MRTFB: variants seen among roughly 807,000 people sequenced by gnomAD.
The protein encoded by MRTFB is myocardin related transcription factor B, also known as myocardin-related transcription factor B.
In MRTFB, 29 loss-of-function variants were observed where a neutral mutation model predicts 104.2. That is an observed-to-expected ratio of 0.28 (90% confidence interval 0.21 to 0.38). MRTFB has a LOEUF of 0.38. Among genes scored for constraint, MRTFB ranks in the 10% least tolerant of loss-of-function variants. The pLI, the probability that MRTFB is intolerant of heterozygous loss-of-function variation, is 1.00. For missense variants in MRTFB, 1,270 were observed against 1,341.6 expected, an observed-to-expected ratio of 0.95 and a Z score of 0.83; for synonymous variants, 535 against 519.5, an observed-to-expected ratio of 1.03 and a Z score of -0.41.
intron 3 of MRTFB, chr16:14,187,117 C>T: frequency 1.8e-6 from 2 of 1,133,356 alleles, no homozygotes; most frequent in Non-Finnish European, 2.5e-6. Flanking sequence ...TGTTACCATG[C>T]TATGTGTCTG....
chr16:14,200,779 C>T, intron 3 of MRTFB: 2 of 1,468,002 alleles, frequency 1.4e-6, no homozygotes, highest in South Asian at 2.3e-5. Flanking sequence ...TGATACTTGC[C>T]TTCAGTGCAC....
At chr16:14,007,330 T>G in the MRTFB span, among the ~76,000 whole-genome samples, 2 of 152,232 alleles carry the variant, frequency 1.3e-5, no homozygotes, top group Non-Finnish European at 2.9e-5. Context: ...CCATTTATAA[T>G]GGAATCATGG....
In MRTFB at chr16:14,246,570, A is replaced by G. The variant is rs758691686; in HGVS notation, c.1310A>G (p.Asn437Ser). 6.2e-7 allele frequency: 1 copy of G among 1,614,188 alleles called. No homozygotes were observed. The highest frequency in any genetic ancestry group is 1.1e-5 in the South Asian group (1 of 91,076). Residue 437 changes from asparagine to serine, a missense_variant, in exon 12 of 17, where the codon AAC becomes AGC. Around this residue, in one of 3 missense-constraint regions of MRTFB, gnomAD observed 1,144 missense variants for 1,131.5 expected, o/e 1.01. Coordinates refer to ENST00000571589, the MANE Select transcript of MRTFB (RefSeq NM_001308142.2). ...CGCCTAAAACCCTACCAGGAAGTGA[A>G]CAGCAGCGGCCTTGCTGCTGGGGGC... Reference protein sequence around the residue: ...IERLKPYQEVNSSGLAAGGIV... With the variant: ...IERLKPYQEVSSSGLAAGGIV...
chr16:14,204,285 T>G (rs905180370), intron 3 of MRTFB, among the ~76,000 whole-genome samples: 9 of 152,178 alleles, frequency 5.9e-5, no homozygotes, highest in African/African-American at 2.2e-4. Context: ...CTTACAGTTT[T>G]TTTATATTGG....
intron 2 of MRTFB, among the ~76,000 whole-genome samples, chr16:14,102,704 T>C (rs1416569305): frequency 6.6e-6 from 1 of 152,258 alleles, no homozygotes; most frequent in African/African-American, 2.4e-5. Flanking sequence ...ATTGGCTCTT[T>C]AGTTTCATTT....
chr16:14,217,257 G>A lies in MRTFB; in HGVS notation c.484G>A (p.Val162Met). ...GCTGGTAGAGAAAAACATCCTTCCT[G>A]TGGACTCCAGTGTTAAAGAAGCAAT... ...MELVEKNILP[V>M]DSSVKEAIIG... The change falls in exon 7 of 17, where the codon GTG (valine) becomes ATG (methionine). Residue 162 changes from valine (V) to methionine (M), a missense_variant. Val to Met is a conservative substitution (Grantham distance 21). Transcript: ENST00000571589. 6.2e-7 allele frequency: 1 copy of A among 1,612,084 alleles called. No homozygotes were observed. The highest frequency in any genetic ancestry group is 1.3e-5 in the African/African-American group (1 of 74,972).
At chr16:14,088,315 C>A (rs2034847658) in intron 2 of MRTFB, among the ~76,000 whole-genome samples, 1 of 151,984 alleles carries the variant, frequency 6.6e-6, no homozygotes, top group Non-Finnish European at 1.5e-5. Context: ...ATGTAATTAC[C>A]CCAGTTTTAA....
the MRTFB span, chr16:14,016,115 T>C: frequency 2.5e-6 from 1 of 396,964 alleles, no homozygotes; most frequent in East Asian, 3.6e-5. Flanking sequence ...TTGGCTTGGC[T>C]GTGTGACTGT....
intron 3 of MRTFB, among the ~76,000 whole-genome samples, chr16:14,189,505 T>C (rs2040083210): frequency 6.6e-6 from 1 of 152,230 alleles, no homozygotes; most frequent in Non-Finnish European, 1.5e-5. Context: ...TTGTGCTGTT[T>C]TGTCAAAAGA....
intron 1 of MRTFB, among the ~76,000 whole-genome samples, chr16:14,076,767 A>G (rs1046215578): frequency 2.6e-5 from 4 of 152,198 alleles, no homozygotes; most frequent in African/African-American, 7.2e-5. Context: ...TAAGTAATGT[A>G]TGAGACTCCT....
chr16:14,226,460 G>T (rs1351005470), intron 8 of MRTFB, among the ~76,000 whole-genome samples: 2 of 152,096 alleles, frequency 1.3e-5, no homozygotes, highest in Admixed American at 6.6e-5. Flanking sequence ...AAATGGTACT[G>T]GGAAAACTGG....
chr16:14,213,518 A>C, intron 5 of MRTFB, 27 bp from the exon 6 acceptor site: 1 of 1,488,422 alleles, frequency 6.7e-7, no homozygotes, highest in Non-Finnish European at 9.2e-7. Context: ...TAAATGATTT[A>C]TGGTAAGACT....
the MRTFB span, among the ~76,000 whole-genome samples, chr16:14,055,169 T>C: frequency 2.6e-5 from 4 of 152,068 alleles, no homozygotes; most frequent in Non-Finnish European, 5.9e-5. Flanking sequence ...CTGACCAACA[T>C]GGAGAAACCC....
chr16:14,200,411 G>T (rs1256596764), intron 3 of MRTFB: 14 of 1,608,128 alleles, frequency 8.7e-6, no homozygotes, highest in Non-Finnish European at 1.1e-5. Flanking sequence ...GTTTGATGCG[G>T]AAGAGGAGAC....
At chr16:14,117,695 C>T (rs2036613444) in intron 2 of MRTFB, among the ~76,000 whole-genome samples, 2 of 152,084 alleles carry the variant, frequency 1.3e-5, no homozygotes, top group Non-Finnish European at 2.9e-5. Flanking sequence ...AACTGCAGTG[C>T]TCAGTTCTGT....
the MRTFB span, among the ~76,000 whole-genome samples, chr16:14,055,597 A>G: frequency 6.6e-6 from 1 of 152,092 alleles, no homozygotes. Flanking sequence ...ATGTCCCTCC[A>G]TTTGGGTTTG....
At chr16:14,214,381 A>G (rs1000281875) in intron 6 of MRTFB, among the ~76,000 whole-genome samples, 1 of 152,218 alleles carries the variant, frequency 6.6e-6, no homozygotes, top group Non-Finnish European at 1.5e-5. Context: ...CTTCTCAGAC[A>G]TTGAGAGACA....
At chr16:14,187,776 A>C (rs957272656) in intron 3 of MRTFB, among the ~76,000 whole-genome samples, 12 of 152,336 alleles carry the variant, frequency 7.9e-5, no homozygotes, top group African/African-American at 2.9e-4. Context: ...GTGTTTAAGA[A>C]ATTCAGGGTC....
chr16:14,235,723 G>A lies in MRTFB; in HGVS notation c.831+1440G>A, dbSNP rs188770523. On this transcript the variant is annotated intron_variant, in intron 9 of 16. Coordinates refer to ENST00000571589, the MANE Select transcript of MRTFB (RefSeq NM_001308142.2). ...TAGGTAGTAGCAGATTCCATCTGAG[G>A]AACACTAGTTATTATGTTTCTGTGC... Among the ~76,000 whole-genome samples, 590 of 152,236 alleles carry A rather than the reference G, an allele frequency of 3.9e-3. 3 individuals carry two copies. The highest frequency in any genetic ancestry group is 5.6e-3 in the Non-Finnish European group (384 of 68,008).
Sources: allele counts gnomAD v4.1 joint callset (sites outside exome capture counted in the v4.1 genomes callset), GRCh38; gene constraint gnomAD v4.1.1; regional missense constraint gnomAD v4.1.1; transcripts MANE v1.5; gene names NCBI Gene and HGNC (gene_info 2026-07-23, HGNC 2026-07-21).